Variants in WDPCP observed in about 807,000 individuals in gnomAD.
WDPCP encodes the protein WD repeat-containing and planar cell polarity effector protein fritz homolog.
WDPCP carries 71 observed loss-of-function variants against 93.1 expected under a neutral mutation model. The observed-to-expected ratio is 0.76, with a 90% CI of 0.63 to 0.93. The LOEUF (loss-of-function observed/expected upper bound fraction) is 0.93. WDPCP is among the 40% of genes least tolerant of loss of function. WDPCP has a pLI of 0.00. For synonymous variants in WDPCP, 315 were observed against 315.0 expected (o/e 1.00, Z 0.00); for missense variants, 844 against 887.4 (o/e 0.95, Z 0.62).
chr2:63,782,590 A>G (rs1670410607), intron 2 of WDPCP, among the ~76,000 whole-genome samples: 1 of 152,200 alleles, frequency 6.6e-6, no homozygotes, highest in African/African-American at 2.4e-5. Context: ...CATTAGAGAA[A>G]TGCAAATTAA....
chr2:63,135,235 A>G (rs1670536179), intron 17 of WDPCP, among the ~76,000 whole-genome samples: 1 of 152,256 alleles, frequency 6.6e-6, no homozygotes, highest in Non-Finnish European at 1.5e-5. Context: ...TTAAGATCTC[A>G]GTGAACGTGT....
intron 1 of WDPCP, among the ~76,000 whole-genome samples, chr2:63,567,163 A>G (rs566776798): frequency 5.2e-4 from 79 of 152,258 alleles, no homozygotes; most frequent in Non-Finnish European, 9.6e-4. Context: ...ATAGGCGTGA[A>G]TAATTAAATC....
chr2:63,199,647 G>A (rs1165746050), intron 14 of WDPCP, among the ~76,000 whole-genome samples: 6 of 152,210 alleles, frequency 3.9e-5, no homozygotes, highest in African/African-American at 4.8e-5. Context: ...GTATGGAAAC[G>A]CCTGGATGTC....
intron 6 of WDPCP, among the ~76,000 whole-genome samples, chr2:63,451,439 G>A (rs995141388): frequency 2.6e-5 from 4 of 152,174 alleles, no homozygotes; most frequent in East Asian, 1.9e-4. Flanking sequence ...ATCTGAAATT[G>A]AGGCAATAAT....
At chr2:63,829,534 T>C (rs1327606874), upstream of WDPCP, among the ~76,000 whole-genome samples, 2 of 152,160 alleles carry the variant, frequency 1.3e-5, no homozygotes, top group Non-Finnish European at 2.9e-5. Flanking sequence ...CTTAGTCTTC[T>C]CTTTGCAATT....
chr2:63,836,576 T>C, the WDPCP span, among the ~76,000 whole-genome samples: 1 of 152,234 alleles, frequency 6.6e-6, no homozygotes, highest in Non-Finnish European at 1.5e-5. Context: ...CATAACAATC[T>C]ACGCTTGTTA....
At chr2:63,668,672 A>G (rs774813309) in intron 2 of WDPCP, among the ~76,000 whole-genome samples, 8 of 152,176 alleles carry the variant, frequency 5.3e-5, no homozygotes, top group Admixed American at 2.6e-4. Flanking sequence ...TAGAAGATTT[A>G]TCACCCACAC....
chr2:63,146,413 T>G (rs1034680984), intron 17 of WDPCP, among the ~76,000 whole-genome samples: 9 of 151,522 alleles, frequency 5.9e-5, no homozygotes, highest in Non-Finnish European at 1.0e-4. Context: ...CGTGTTTTTT[T>G]TTTTTTTTTT....
chr2:63,486,449 GGAATAAAGTTTC>G (rs1271549747), intron 4 of WDPCP, 81 bp downstream of exon 4: 3 of 1,159,200 alleles, frequency 2.6e-6, no homozygotes, highest in Non-Finnish European at 3.7e-6. Flanking sequence ...AAATTTGGAG[GGAATAAAGTTTC>G]CTCTTTGTTC....
intron 14 of WDPCP, among the ~76,000 whole-genome samples, chr2:63,223,705 T>C (rs137947297): frequency 9.2e-5 from 14 of 152,280 alleles, no homozygotes; most frequent in African/African-American, 2.9e-4. Context: ...AAGGAATCGC[T>C]TTGTGTGTAT....
chr2:63,369,069 T>G (rs1414821049), intron 12 of WDPCP: 1 of 174,620 alleles, frequency 5.7e-6, no homozygotes, highest in Admixed American at 5.5e-5. Context: ...GCACATACTA[T>G]GTATGCCCTT....
intron 12 of WDPCP, among the ~76,000 whole-genome samples, chr2:63,323,414 TA>T (rs775417095): frequency 3.4e-4 from 51 of 152,160 alleles, no homozygotes; most frequent in Non-Finnish European, 5.9e-4. Flanking sequence ...AGCCCCATCG[TA>T]GGGGGGACTA....
At chr2:63,372,558 T>G (rs1184813187) in intron 12 of WDPCP, among the ~76,000 whole-genome samples, 2 of 152,166 alleles carry the variant, frequency 1.3e-5, no homozygotes, top group East Asian at 3.9e-4. Context: ...TCTCCACTTG[T>G]TGGACTCTAC....
chr2:63,224,352 A>G (rs1228738553), intron 14 of WDPCP, among the ~76,000 whole-genome samples: 2 of 152,024 alleles, frequency 1.3e-5, no homozygotes, highest in Non-Finnish European at 2.9e-5. Context: ...AAAACTAAAC[A>G]TACTCATACT....
intron 16 of WDPCP, 53 bp downstream of exon 16, chr2:63,153,442 A>T (rs1300981941): frequency 3.6e-6 from 5 of 1,401,472 alleles, no homozygotes; most frequent in Non-Finnish European, 5.0e-6. Context: ...TGCAAGCTAT[A>T]ACATAGTTTT....
At chr2:63,812,724 C>G (rs1328400570) in intron 2 of WDPCP, among the ~76,000 whole-genome samples, 3 of 152,120 alleles carry the variant, frequency 2.0e-5, no homozygotes, top group Admixed American at 6.5e-5. Context: ...TGTTTCAAAC[C>G]TCTCTAAATT....
intron 1 of WDPCP, among the ~76,000 whole-genome samples, chr2:63,540,558 A>G (rs1442277937): frequency 6.6e-6 from 1 of 152,202 alleles, no homozygotes; most frequent in Non-Finnish European, 1.5e-5. Flanking sequence ...GATACTAATG[A>G]TGTGCCAGAA....
intron 15 of WDPCP, among the ~76,000 whole-genome samples, chr2:63,158,766 A>G (rs1444045667): frequency 6.6e-6 from 1 of 151,948 alleles, no homozygotes; most frequent in African/African-American, 2.4e-5. Flanking sequence ...GATACTTTCA[A>G]TTGATCTGTC....
At chr2:63,724,054 T>C (rs921891006) in intron 2 of WDPCP, among the ~76,000 whole-genome samples, 1 of 152,224 alleles carries the variant, frequency 6.6e-6, no homozygotes, top group African/African-American at 2.4e-5. Context: ...CATATAGCTA[T>C]GTCCTGCCCA....
Sources: allele counts gnomAD v4.1 joint callset (sites outside exome capture counted in the v4.1 genomes callset), GRCh38; gene constraint gnomAD v4.1.1; transcripts MANE v1.5; gene names NCBI Gene and HGNC (gene_info 2026-07-23, HGNC 2026-07-21).